RAB11FIP2: variants seen among roughly 807,000 people sequenced by gnomAD.
RAB11FIP2 encodes RAB11 family interacting protein 2.
RAB11FIP2 carries 16 observed loss-of-function variants against 40.9 expected under a neutral mutation model. That is an observed-to-expected ratio of 0.39 (90% CI 0.26 to 0.59). RAB11FIP2 has a LOEUF of 0.59. Ranked by LOEUF, RAB11FIP2 falls within the 20% of genes least tolerant of loss-of-function variation. RAB11FIP2 has a pLI of 0.53. For synonymous variants in RAB11FIP2, 228 were observed against 213.7 expected (o/e 1.07, Z -0.58); for missense variants, 532 against 606.2 (o/e 0.88, Z 1.28).
In RAB11FIP2 at chr10:118,039,096, C is replaced by A; in HGVS notation, c.1141G>T (p.Asp381Tyr). ...RSDKLNNGGS[D>Y]SPCDLKSPNA... Reference sequence around the variant, plus strand: ...GGTGATTTCAAGTCACAAGGGCTATCAGATCCCCCATTGTTAAGTTTATCA... The same window carrying A: ...GGTGATTTCAAGTCACAAGGGCTATAAGATCCCCCATTGTTAAGTTTATCA... The change falls in exon 3 of 5, where the codon GAT becomes TAT. Residue 381 changes from aspartate (D) to tyrosine (Y), a missense_variant. Transcript: ENST00000355624. 1 of 1,613,704 alleles carries A rather than the reference C, an allele frequency of 6.2e-7. No homozygotes were observed. The highest frequency in any genetic ancestry group is 8.5e-7 in the Non-Finnish European group (1 of 1,179,754).
At chr10:118,035,599 CTG>C (rs1846471401) in intron 3 of RAB11FIP2, among the ~76,000 whole-genome samples, 2 of 152,110 alleles carry the variant, frequency 1.3e-5, no homozygotes, top group Admixed American at 6.6e-5. Flanking sequence ...GTCTGCTATA[CTG>C]TGTGCGTTTA....
intron 4 of RAB11FIP2, among the ~76,000 whole-genome samples, chr10:118,010,160 T>C (rs1208944826): frequency 2.0e-5 from 3 of 152,158 alleles, no homozygotes; most frequent in East Asian, 3.8e-4. Flanking sequence ...ATCTTTTATT[T>C]ATAGTGTATA....
chr10:118,042,265 AAATT>A (rs911995371), intron 1 of RAB11FIP2, among the ~76,000 whole-genome samples: 2 of 152,146 alleles, frequency 1.3e-5, no homozygotes, highest in Non-Finnish European at 2.9e-5. Context: ...GAGTAAAAAA[AAATT>A]AATTACCCCC....
At chr10:118,028,225 C>G (rs1846369048) in intron 3 of RAB11FIP2, among the ~76,000 whole-genome samples, 1 of 151,850 alleles carries the variant, frequency 6.6e-6, no homozygotes, top group South Asian at 2.1e-4. Flanking sequence ...TAAGTGGTAT[C>G]AGTACTTTTA....
At chr10:118,024,089 T>TAA (rs11410516) in intron 3 of RAB11FIP2, among the ~76,000 whole-genome samples, 40 of 126,986 alleles carry the variant, frequency 3.1e-4, no homozygotes, top group Middle Eastern at 4.1e-3. Context: ...GACTCTGTCT[T>TAA]AAAAAAAAAA....
rs1463912696 is a variant in RAB11FIP2 at position 118,007,397 on chromosome 10, A to G, written c.*1601T>C. 6.6e-6 allele frequency: 1 copy of G among 151,864 alleles called. No individual in the cohort carries two copies. Among genetic ancestry groups the G allele is most frequent in the Non-Finnish European group, 1.5e-5 (1 of 67,868 alleles). The allele number at this position is 151,864 out of a possible 1,614,324, so 9.4% of individuals were successfully genotyped here. A position where few individuals can be genotyped will look rare whatever the true frequency, so the allele number is the denominator to read the frequency against. On this transcript the variant is annotated 3_prime_UTR_variant, in exon 5 of 5. Transcript: ENST00000355624. Reference sequence around the variant, plus strand: ...TACAAATAACAAGGGGTTTTAGTTTACAAATACGAGCTTGGCCAAGTATTC... The same window carrying G: ...TACAAATAACAAGGGGTTTTAGTTTGCAAATACGAGCTTGGCCAAGTATTC...
In RAB11FIP2 at chr10:118,008,747, A is replaced by G. The variant is rs901140266; in HGVS notation, c.*251T>C. 5.1e-5 allele frequency: 23 copies of G among 448,478 alleles called. No individual in the cohort carries two copies. The highest frequency in any genetic ancestry group is 4.1e-4 in the South Asian group (17 of 41,212). The allele number at this position is 448,478 out of a possible 1,614,324, so 27.8% of individuals were successfully genotyped here. A position where few individuals can be genotyped will look rare whatever the true frequency, so the allele number is the denominator to read the frequency against. On this transcript the variant is annotated 3_prime_UTR_variant, in exon 5 of 5. Coordinates refer to ENST00000355624, the MANE Select transcript of RAB11FIP2 (RefSeq NM_014904.3). ...GTGGGTCAGTACCAGCACCTGAGTG[A>G]GTCCTAAGGAACCACTTATTCATTG...
intron 3 of RAB11FIP2, among the ~76,000 whole-genome samples, chr10:118,025,752 C>A (rs1294999312): frequency 6.6e-6 from 1 of 152,188 alleles, no homozygotes; most frequent in Non-Finnish European, 1.5e-5. Context: ...AACCACTTCA[C>A]ACATTCATTT....
chr10:118,009,563 T>C (rs1473508900), intron 4 of RAB11FIP2, among the ~76,000 whole-genome samples: 2 of 152,130 alleles, frequency 1.3e-5, no homozygotes, highest in Non-Finnish European at 2.9e-5. Context: ...AAACTAAAGA[T>C]TTCTAAAAGT....
intron 3 of RAB11FIP2, among the ~76,000 whole-genome samples, chr10:118,038,051 T>C (rs1289402134): frequency 1.3e-5 from 2 of 151,894 alleles, no homozygotes; most frequent in African/African-American, 4.8e-5. Context: ...TTTTTAAATA[T>C]TTTCACTCCA....
At chr10:118,033,628 A>G (rs1158441887) in intron 3 of RAB11FIP2, among the ~76,000 whole-genome samples, 1 of 152,148 alleles carries the variant, frequency 6.6e-6, no homozygotes, top group Non-Finnish European at 1.5e-5. Flanking sequence ...CAGTAAGGAA[A>G]TTAACTTACC....
In RAB11FIP2 at chr10:118,033,981, C is replaced by G. The variant is rs554702434; in HGVS notation, c.1265+4991G>C. ...CAGAGACCCAGGCTGCTCCTACTTA[C>G]AGCTCTGCCCATCTCAAAGATCCTC... is the stretch of plus-strand genomic sequence containing the variant. On this transcript the variant is annotated intron_variant, in intron 3 of 4. Transcript: ENST00000355624. 4.0e-4 allele frequency: 280 copies of G among 701,984 alleles called. 3 individuals carry two copies. In the African/African-American group the frequency reaches 4.6e-3, roughly 12 times the overall value. 43.5% of individuals were successfully genotyped at this position (701,984 alleles called of 1,614,324 possible).
chr10:118,039,678 T>C (rs541694318), intron 2 of RAB11FIP2: 3 of 467,790 alleles, frequency 6.4e-6, no homozygotes, highest in African/African-American at 2.0e-5. Flanking sequence ...CTCACAATCA[T>C]ATAAACTATG....
intron 4 of RAB11FIP2, among the ~76,000 whole-genome samples, chr10:118,009,912 A>C (rs1276768760): frequency 6.6e-6 from 1 of 152,128 alleles, no homozygotes; most frequent in Non-Finnish European, 1.5e-5. Flanking sequence ...GAAACTCAAG[A>C]GTTCAACCAT....
intron 1 of RAB11FIP2, among the ~76,000 whole-genome samples, chr10:118,044,649 G>A (rs1485780556): frequency 2.6e-5 from 4 of 151,652 alleles, no homozygotes; most frequent in Non-Finnish European, 5.9e-5. Context: ...TTAAATCTTA[G>A]GTTAAGACCT....
At chr10:118,024,089 T>TAAAAA (rs11410516) in intron 3 of RAB11FIP2, among the ~76,000 whole-genome samples, 1 of 127,002 alleles carries the variant, frequency 7.9e-6, no homozygotes, top group Non-Finnish European at 1.7e-5. Flanking sequence ...GACTCTGTCT[T>TAAAAA]AAAAAAAAAA....
intron 3 of RAB11FIP2, among the ~76,000 whole-genome samples, chr10:118,026,445 G>C (rs1846345027): frequency 6.6e-6 from 1 of 152,084 alleles, no homozygotes; most frequent in Non-Finnish European, 1.5e-5. Context: ...AAAACAAAGA[G>C]GGCACCTGCT....
At chr10:118,045,278 A>G (rs1846613514) in intron 1 of RAB11FIP2, 1 of 153,618 alleles carries the variant, frequency 6.5e-6, no homozygotes, top group Admixed American at 6.5e-5. Flanking sequence ...TCTAACAGGT[A>G]TAGACTCCCA....
chr10:118,038,951 C>G, intron 3 of RAB11FIP2, 21 bp downstream of exon 3: 5 of 1,475,112 alleles, frequency 3.4e-6, no homozygotes, highest in Non-Finnish European at 4.6e-6. Flanking sequence ...AATAGTAGAA[C>G]TTCCCCCATA....
Sources: gnomAD v4.1 joint callset for allele counts (sites outside exome capture counted in the v4.1 genomes callset) on GRCh38, gnomAD v4.1.1 for gene constraint, MANE v1.5 for transcripts, NCBI Gene and HGNC (gene_info 2026-07-23, HGNC 2026-07-21) for gene names.